Variants in RNF212 observed in about 807,000 individuals in gnomAD.
RNF212 encodes the protein probable E3 SUMO-protein ligase RNF212.
A neutral mutation model predicts 34.7 loss-of-function variants in RNF212; 33 were observed. That is an observed-to-expected ratio of 0.95 (90% CI 0.72 to 1.27). The LOEUF (loss-of-function observed/expected upper bound fraction) is 1.27, where lower values mean the gene tolerates loss of function less well. Ranked by LOEUF, RNF212 falls within the 50% of genes most tolerant of loss-of-function variation. RNF212 has a pLI of 0.00. For synonymous variants in RNF212, 140 were observed against 136.1 expected, an observed-to-expected ratio of 1.03 and a Z score of -0.20; for missense variants, 377 against 362.2, an observed-to-expected ratio of 1.04 and a Z score of -0.33.
intron 5 of RNF212, 42 bp from the exon 6 acceptor site, chr4:1,081,661 C>G (rs1720370959): frequency 2.9e-6 from 4 of 1,396,554 alleles, no homozygotes; most frequent in African/African-American, 1.4e-5. Context: ...ATCATAAAAA[C>G]TGACTTCCCC....
At chr4:1,065,321 C>T (rs1470738401) in intron 3 of RNF212, among the ~76,000 whole-genome samples, 1 of 152,296 alleles carries the variant, frequency 6.6e-6, no homozygotes, top group East Asian at 1.9e-4. Context: ...AAAATGATTA[C>T]AATAAACATT....
intron 3 of RNF212, among the ~76,000 whole-genome samples, chr4:1,061,645 G>A (rs1434431764): frequency 6.6e-6 from 1 of 152,168 alleles, no homozygotes; most frequent in African/African-American, 2.4e-5. Flanking sequence ...CACAGACAGA[G>A]CAGCGGCCAA....
At chr4:1,057,493 G>C (rs1006456124) in intron 4 of RNF212, among the ~76,000 whole-genome samples, 3 of 152,130 alleles carry the variant, frequency 2.0e-5, no homozygotes, top group African/African-American at 7.2e-5. Context: ...TCCGGGGCTG[G>C]GGCTGAGTCC....
chr4:1,073,290 G>C, intron 9 of RNF212, 97 bp from the exon 10 acceptor site: 5 of 1,479,936 alleles, frequency 3.4e-6, no homozygotes, highest in Non-Finnish European at 4.5e-6. Flanking sequence ...CTTTGAAAAG[G>C]GACCAGCAAT....
At chr4:1,088,749 C>G (rs1019809235) in intron 4 of RNF212, among the ~76,000 whole-genome samples, 1 of 152,190 alleles carries the variant, frequency 6.6e-6, no homozygotes, top group African/African-American at 2.4e-5. Context: ...GACATGGTGC[C>G]CTGCATCCTG....
chr4:1,109,178 T>G (rs1388167218), intron 1 of RNF212, among the ~76,000 whole-genome samples: 2 of 152,078 alleles, frequency 1.3e-5, no homozygotes, highest in Non-Finnish European at 2.9e-5. Context: ...AGGCTAATTT[T>G]TGTATTTTTA....
At chr4:1,100,101 T>C in intron 2 of RNF212, 2 of 345,628 alleles carry the variant, frequency 5.8e-6, no homozygotes, top group Non-Finnish European at 1.1e-5. Context: ...AGGACTTCCT[T>C]GCTAGAGTCT....
rs373528969 is a variant in RNF212 at position 1,097,561 on chromosome 4, C to T, written c.172-722G>A. Among the ~76,000 whole-genome samples, 91 of 151,774 alleles carry T rather than the reference C, an allele frequency of 6.0e-4. 1 individual carries two copies. In the South Asian group the frequency reaches 0.011, roughly 19 times the overall value. ...CAGAGCTTGCAGTGAGCCGAGATTA[C>T]GCCACTGCACTCCAGCCTGGGCAAA... On this transcript the variant is annotated intron_variant, in intron 2 of 9. Coordinates refer to ENST00000433731, the MANE Select transcript of RNF212 (RefSeq NM_001131034.4).
rs990802262 is a variant in RNF212 at position 1,062,305 on chromosome 4, C to T, written n.148-3912G>A. ...CACCACGACCAACCGGGATTCATCTCAGGAATGCACAGTTCCTTCAACATA... is the reference window on the plus strand; with the variant it reads ...CACCACGACCAACCGGGATTCATCTTAGGAATGCACAGTTCCTTCAACATA... On this transcript the variant is annotated intron_variant and non_coding_transcript_variant, in intron 3 of 4. Transcript: ENST00000503206. 1.3e-4 allele frequency among the ~76,000 whole-genome samples: 20 copies of T among 152,218 alleles called. 1 individual carries two copies. Among genetic ancestry groups the T allele is most frequent in the Non-Finnish European group, 1.3e-4 (9 of 68,052 alleles).
chr4:1,083,717 G>T (rs1720727358), intron 5 of RNF212, among the ~76,000 whole-genome samples: 2 of 152,114 alleles, frequency 1.3e-5, no homozygotes, highest in Admixed American at 6.5e-5. Flanking sequence ...CAGGGAGCTG[G>T]AAGAAGCAAC....
chr4:1,058,235 G>A (rs1236478611), intron 4 of RNF212: 1 of 362,682 alleles, frequency 2.8e-6, no homozygotes, highest in East Asian at 1.7e-4. Context: ...CTGTGAAGAA[G>A]GTGCTTGCGG....
intron 3 of RNF212, among the ~76,000 whole-genome samples, chr4:1,094,547 A>T (rs1475946147): frequency 6.6e-6 from 1 of 152,134 alleles, no homozygotes; most frequent in Non-Finnish European, 1.5e-5. Context: ...CATGGAGCCA[A>T]CACTGCCACA....
chr4:1,099,423 CTAAG>C (rs1439432154), intron 2 of RNF212, among the ~76,000 whole-genome samples: 1 of 152,110 alleles, frequency 6.6e-6, no homozygotes, highest in Non-Finnish European at 1.5e-5. Context: ...GGGGGAAAAT[CTAAG>C]TGAGTATTAA....
rs1453762988 is a variant in RNF212 at position 1,079,654 on chromosome 4, GAGA to G, written c.496_498del (p.Ser166del). The G allele has an allele frequency of 1.2e-5, 19 of 1,609,740 alleles. No individual in the cohort carries two copies. The highest frequency in any genetic ancestry group is 3.3e-4 in the Middle Eastern group (2 of 6,050). ...AGAGATGCACTTACTTTTCTAATCG[GAGA>G]AGGAGAGAGATCAACTTCCATCGAC... is the stretch of plus-strand genomic sequence containing the variant. On this transcript the variant is annotated inframe_deletion, in exon 8 of 10. Coordinates refer to ENST00000433731, the MANE Select transcript of RNF212 (RefSeq NM_001131034.4).
intron 2 of RNF212, chr4:1,101,517 G>C (rs1297642976): frequency 6.5e-6 from 1 of 154,114 alleles, no homozygotes; most frequent in Non-Finnish European, 1.4e-5. Context: ...TGTATCTCCA[G>C]TTCCTACTAA....
In RNF212 at chr4:1,108,916, G is replaced by T. The variant is rs571753055; in HGVS notation, c.110-512C>A. Among the ~76,000 whole-genome samples, 11 of 152,048 alleles carry T rather than the reference G, an allele frequency of 7.2e-5. No homozygotes were observed. The East Asian group carries it at 2.1e-3, about 29-fold the overall frequency. ...GGGTCTCACTATGTTGCCCACACTG[G>T]GCTCGAACTCCTGGGCTCAAACAAT... On this transcript the variant is annotated intron_variant, in intron 1 of 9. Coordinates refer to ENST00000433731, the MANE Select transcript of RNF212 (RefSeq NM_001131034.4).
In RNF212 at chr4:1,071,862, T is replaced by C. The variant is rs1035894949; in HGVS notation, c.*1012A>G. The C allele has an allele frequency of 6.6e-6, 1 of 152,236 alleles. No homozygotes were observed. Among genetic ancestry groups the C allele is most frequent in the African/African-American group, 2.4e-5 (1 of 41,470 alleles). 9.4% of individuals were successfully genotyped at this position (152,236 alleles called of 1,614,324 possible). ...GCCACTTTGGAAGGTAGTTTGGCAA[T>C]TTCTTTCAAAACTAAACACCCTCTC... is the stretch of plus-strand genomic sequence containing the variant. On this transcript the variant is annotated 3_prime_UTR_variant, in exon 10 of 10. Coordinates refer to ENST00000433731, the MANE Select transcript of RNF212 (RefSeq NM_001131034.4).
intron 4 of RNF212, among the ~76,000 whole-genome samples, chr4:1,089,835 C>T (rs1017870107): frequency 1.3e-5 from 2 of 152,194 alleles, no homozygotes; most frequent in African/African-American, 2.4e-5. Flanking sequence ...CCTTGCTTCC[C>T]CTTTGCCTTC....
intron 3 of RNF212, chr4:1,093,754 G>A: frequency 3.3e-6 from 5 of 1,536,278 alleles, no homozygotes; most frequent in Non-Finnish European, 3.5e-6. Flanking sequence ...GGCCCCAAGG[G>A]GACTTGGTGT....
Sources: gnomAD v4.1 joint callset for allele counts (sites outside exome capture counted in the v4.1 genomes callset) on GRCh38, gnomAD v4.1.1 for gene constraint, MANE v1.5 for transcripts, NCBI Gene and HGNC (gene_info 2026-07-23, HGNC 2026-07-21) for gene names.